The following SORCS3 variants were observed in gnomAD, a reference collection of about 807,000 sequenced individuals.
SORCS3 encodes the protein sortilin related VPS10 domain containing receptor 3.
SORCS3 carries 57 observed loss-of-function variants against 146.3 expected under a neutral mutation model. The observed-to-expected ratio is 0.39, with a 90% CI of 0.31 to 0.49. The LOEUF is 0.49. SORCS3 is among the 20% of genes least tolerant of loss of function. The probability of loss-of-function intolerance (pLI) is 0.92; values close to 1 mark genes in which losing one functional copy is unlikely to be tolerated. For missense variants in SORCS3, 1,341 were observed against 1,575.5 expected (o/e 0.85, Z 2.52); for synonymous variants, 653 against 618.5 (o/e 1.06, Z -0.83).
intron 4 of SORCS3, among the ~76,000 whole-genome samples, chr10:104,996,572 C>G (rs997027792): frequency 6.6e-6 from 1 of 152,122 alleles, no homozygotes; most frequent in Non-Finnish European, 1.5e-5. Flanking sequence ...ACTAAGTTAA[C>G]TTTATTGACA....
intron 19 of SORCS3, among the ~76,000 whole-genome samples, chr10:105,218,415 C>T (rs1383217395): frequency 1.3e-5 from 2 of 152,206 alleles, no homozygotes; most frequent in Non-Finnish European, 2.9e-5. Context: ...GCAAGGCACT[C>T]TGCTAGGCAC....
chr10:104,910,416 A>G (rs1166971833), intron 2 of SORCS3, among the ~76,000 whole-genome samples: 1 of 152,220 alleles, frequency 6.6e-6, no homozygotes, highest in Non-Finnish European at 1.5e-5. Flanking sequence ...TGTTTATAAT[A>G]GCAAATTAAA....
At chr10:104,697,188 ATGT>A (rs1379678907) in intron 1 of SORCS3, among the ~76,000 whole-genome samples, 4 of 152,150 alleles carry the variant, frequency 2.6e-5, no homozygotes, top group Non-Finnish European at 5.9e-5. Flanking sequence ...ATAGATATCC[ATGT>A]TGTTTCTAGC....
intron 1 of SORCS3, among the ~76,000 whole-genome samples, chr10:104,737,706 T>C (rs1408186676): frequency 1.3e-5 from 2 of 152,106 alleles, no homozygotes; most frequent in African/African-American, 2.4e-5. Flanking sequence ...TTGCGAAAAT[T>C]TTCTCCCATT....
chr10:105,026,364 G>C (rs1328553476), intron 4 of SORCS3, among the ~76,000 whole-genome samples: 2 of 152,174 alleles, frequency 1.3e-5, no homozygotes, highest in African/African-American at 4.8e-5. Flanking sequence ...ATCTTTACAG[G>C]TCACTAAATC....
rs186799885 is a variant in SORCS3, at chr10:105,195,137, G to T, written c.2010-4862G>T. 1.6e-4 allele frequency among the ~76,000 whole-genome samples: 24 copies of T among 152,194 alleles called. No individual in the cohort carries two copies. The Middle Eastern group carries it at 0.02, about 129-fold the overall frequency. On this transcript the variant is annotated intron_variant, in intron 14 of 26. Transcript: ENST00000369701. ...TTCTTCCATCCTAGCTATCTCTTGG[G>T]CTTTAATATTCTATTGATACATGAA...
chr10:105,182,156 T>C (rs1198496741), intron 14 of SORCS3, among the ~76,000 whole-genome samples: 1 of 150,402 alleles, frequency 6.6e-6, no homozygotes, highest in Non-Finnish European at 1.5e-5. Flanking sequence ...ATGTCTAAAA[T>C]GCTTAAGGAG....
chr10:104,969,894 A>G (rs1418992099), intron 3 of SORCS3, among the ~76,000 whole-genome samples: 2 of 152,216 alleles, frequency 1.3e-5, no homozygotes, highest in African/African-American at 4.8e-5. Context: ...CTAGGGGAAG[A>G]AAATACATTG....
intron 1 of SORCS3, among the ~76,000 whole-genome samples, chr10:104,751,304 G>A (rs183235797): frequency 4.9e-4 from 74 of 152,250 alleles, no homozygotes; most frequent in Admixed American, 2.4e-3. Context: ...TAAAAATCCT[G>A]GGTTGGAATG....
At chr10:105,223,858 G>A (rs1008798581) in intron 20 of SORCS3, among the ~76,000 whole-genome samples, 1 of 152,192 alleles carries the variant, frequency 6.6e-6, no homozygotes. Flanking sequence ...TATGATAGAA[G>A]CTGGGAGCAA....
intron 19 of SORCS3, among the ~76,000 whole-genome samples, chr10:105,218,817 C>T (rs1163807055): frequency 6.6e-6 from 1 of 152,154 alleles, no homozygotes; most frequent in African/African-American, 2.4e-5. Flanking sequence ...GAGATCGAGA[C>T]CATCCTGGCT....
intron 3 of SORCS3, among the ~76,000 whole-genome samples, 172 bp from the exon 4 acceptor site, chr10:104,977,163 A>G (rs2054903963): frequency 6.6e-6 from 1 of 152,126 alleles, no homozygotes; most frequent in Non-Finnish European, 1.5e-5. Flanking sequence ...TCAATTCGAC[A>G]ATGAGAGACT....
At chr10:104,862,547 C>T (rs1220471445) in intron 2 of SORCS3, among the ~76,000 whole-genome samples, 3 of 151,296 alleles carry the variant, frequency 2.0e-5, no homozygotes, top group Non-Finnish European at 3.0e-5. Flanking sequence ...CCAGTTTGTT[C>T]TCCACTTGTA....
chr10:104,758,933 A>G (rs992544681), intron 1 of SORCS3, among the ~76,000 whole-genome samples: 1 of 152,182 alleles, frequency 6.6e-6, no homozygotes, highest in African/African-American at 2.4e-5. Flanking sequence ...GAGGTCTTGT[A>G]TGGCTTGAAT....
intron 1 of SORCS3, among the ~76,000 whole-genome samples, chr10:104,837,395 A>G (rs1295267675): frequency 1.3e-5 from 2 of 152,258 alleles, no homozygotes; most frequent in African/African-American, 4.8e-5. Context: ...ACACATATAG[A>G]GACAGACTTC....
intron 1 of SORCS3, among the ~76,000 whole-genome samples, chr10:104,711,802 A>T (rs1047407242): frequency 1.3e-5 from 2 of 152,194 alleles, no homozygotes; most frequent in African/African-American, 4.8e-5. Context: ...GGACACCTTG[A>T]GGAAAGTTCA....
At chr10:104,964,858 C>T (rs1434636206) in intron 3 of SORCS3, among the ~76,000 whole-genome samples, 1 of 152,146 alleles carries the variant, frequency 6.6e-6, no homozygotes, top group Non-Finnish European at 1.5e-5. Context: ...ACCAACTAAA[C>T]AACAACTCCT....
At chr10:105,048,891 G>A (rs1221919667) in intron 5 of SORCS3, among the ~76,000 whole-genome samples, 1 of 151,750 alleles carries the variant, frequency 6.6e-6, no homozygotes, top group South Asian at 2.1e-4. Flanking sequence ...TACAATTTTT[G>A]TGTCATTATA....
chr10:104,706,608 A>C (rs562605322), intron 1 of SORCS3, among the ~76,000 whole-genome samples: 1 of 152,214 alleles, frequency 6.6e-6, no homozygotes, highest in African/African-American at 2.4e-5. Flanking sequence ...CCACCGTAGC[A>C]TATGGGAAGT....
Sources: allele counts gnomAD v4.1 joint callset (sites outside exome capture counted in the v4.1 genomes callset), GRCh38; gene constraint gnomAD v4.1.1; transcripts MANE v1.5; gene names NCBI Gene and HGNC (gene_info 2026-07-23, HGNC 2026-07-21).